PIGL: variants seen among roughly 807,000 people sequenced by gnomAD.
The protein encoded by PIGL is phosphatidylinositol glycan anchor biosynthesis class L, also known as N-acetylglucosaminyl-phosphatidylinositol de-N-acetylase.
A neutral mutation model predicts 31.1 loss-of-function variants in PIGL; 22 were observed. The ratio of observed to expected loss-of-function variants is 0.71; its 90% CI spans 0.51 to 1.01. PIGL has a LOEUF of 1.01. PIGL is among the 50% of genes least tolerant of loss of function. The probability of loss-of-function intolerance (pLI) is 0.00; values close to 1 mark genes in which losing one functional copy is unlikely to be tolerated. For synonymous variants in PIGL, 131 were observed against 117.4 expected, an observed-to-expected ratio of 1.12 and a Z score of -0.75; for missense variants, 302 against 315.9, an observed-to-expected ratio of 0.96 and a Z score of 0.33.
Position 16,324,211 on chromosome 17 carries a change from T to C in PIGL, c.661-1589T>C, listed in dbSNP as rs193168736. 5 of 151,894 alleles carry C rather than the reference T, an allele frequency of 3.3e-5. No individual in the cohort carries two copies. In the East Asian group the frequency reaches 9.8e-4, roughly 30 times the overall value. The allele number at this position is 151,894 out of a possible 1,614,324, so 9.4% of individuals were successfully genotyped here. ...AACTCCTGACCTCAAGTGATCCACC[T>C]GCCTCGGGCTCCCAAGGTGCTGAGG... On this transcript the variant is annotated intron_variant, in intron 6 of 6. Coordinates refer to ENST00000225609, the MANE Select transcript of PIGL (RefSeq NM_004278.4).
intron 2 of PIGL, among the ~76,000 whole-genome samples, chr17:16,263,831 GACT>G (rs1430106342): frequency 3.5e-5 from 4 of 113,104 alleles, no homozygotes; most frequent in Non-Finnish European, 7.1e-5. Flanking sequence ...TGTAAATGTT[GACT>G]TTTTTTTTTT....
intron 1 of PIGL, among the ~76,000 whole-genome samples, chr17:16,228,687 G>A (rs2092664988): frequency 1.3e-5 from 2 of 152,186 alleles, no homozygotes; most frequent in African/African-American, 2.4e-5. Context: ...CACGCCCGGC[G>A]ATTTTAAACA....
intron 3 of PIGL, among the ~76,000 whole-genome samples, chr17:16,304,664 T>C (rs2093019265): frequency 6.6e-6 from 1 of 152,132 alleles, no homozygotes; most frequent in Non-Finnish European, 1.5e-5. Context: ...GAAAGCAGCC[T>C]AGGGGGGTAG....
At chr17:16,307,757 AG>A (rs1198829544) in intron 3 of PIGL, among the ~76,000 whole-genome samples, 2 of 152,032 alleles carry the variant, frequency 1.3e-5, no homozygotes, top group Non-Finnish European at 2.9e-5. Context: ...GCTTGACCCC[AG>A]GAGTTTGAGA....
At chr17:16,257,785 C>G (rs1030587999) in intron 2 of PIGL, among the ~76,000 whole-genome samples, 3 of 151,988 alleles carry the variant, frequency 2.0e-5, no homozygotes, top group Non-Finnish European at 4.4e-5. Flanking sequence ...CATATTTCCA[C>G]CGGGCACGGT....
Position 16,313,632 on chromosome 17 carries a change from A to G in PIGL, c.494+18A>G. On this transcript the variant is annotated intron_variant, in intron 4 of 6. Coordinates refer to ENST00000225609, the MANE Select transcript of PIGL (RefSeq NM_004278.4). ...GCTGTGAGGTATGATTCTCCGGGTG[A>G]TGGATGTGGGGGAGGGTTTGTTTAT... The G allele has an allele frequency of 1.3e-6, 2 of 1,591,386 alleles. No homozygotes were observed. Among genetic ancestry groups the G allele is most frequent in the Non-Finnish European group, 1.7e-6 (2 of 1,159,318 alleles).
intron 2 of PIGL, among the ~76,000 whole-genome samples, chr17:16,279,460 G>A (rs566279224): frequency 1.8e-4 from 28 of 152,276 alleles, no homozygotes; most frequent in African/African-American, 6.5e-4. Context: ...TGCCTGCAAG[G>A]CCAATGAGAC....
At chr17:16,228,047 A>C (rs1312742803) in intron 1 of PIGL, among the ~76,000 whole-genome samples, 1 of 147,926 alleles carries the variant, frequency 6.8e-6, no homozygotes, top group African/African-American at 2.5e-5. Flanking sequence ...TTACCATTTT[A>C]AACTTTTTTT....
chr17:16,258,092 AGAG>A (rs1380652015), intron 2 of PIGL, among the ~76,000 whole-genome samples: 1 of 132,778 alleles, frequency 7.5e-6, no homozygotes, highest in Non-Finnish European at 1.6e-5. Context: ...AGAGAGAGAG[AGAG>A]AGAGAGAAAG....
At chr17:16,237,186 C>A (rs2092702946) in intron 2 of PIGL, among the ~76,000 whole-genome samples, 1 of 144,528 alleles carries the variant, frequency 6.9e-6, no homozygotes, top group South Asian at 2.2e-4. Flanking sequence ...CAGCTCACTG[C>A]AACGTCCGCC....
chr17:16,287,087 G>T (rs1196114393), intron 2 of PIGL, among the ~76,000 whole-genome samples: 2 of 152,212 alleles, frequency 1.3e-5, no homozygotes, highest in African/African-American at 4.8e-5. Flanking sequence ...GCCCCGCTCT[G>T]GTGGTGTGGG....
intron 3 of PIGL, among the ~76,000 whole-genome samples, chr17:16,309,265 C>T (rs1011046356): frequency 1.3e-5 from 2 of 152,170 alleles, no homozygotes; most frequent in Non-Finnish European, 2.9e-5. Context: ...GCACTATAGC[C>T]TGCATGGCAG....
At chr17:16,292,408 A>C (rs991879232) in intron 2 of PIGL, among the ~76,000 whole-genome samples, 1 of 152,050 alleles carries the variant, frequency 6.6e-6, no homozygotes, top group Admixed American at 6.6e-5. Flanking sequence ...AAAAAAAAAA[A>C]ACACTCCTTT....
At chr17:16,312,182 AGAC>A (rs1225279066) in intron 3 of PIGL, among the ~76,000 whole-genome samples, 1 of 148,284 alleles carries the variant, frequency 6.7e-6, no homozygotes, top group East Asian at 2.0e-4. Flanking sequence ...TGCTGGGCGG[AGAC>A]GCTCCTCACT....
intron 2 of PIGL, among the ~76,000 whole-genome samples, chr17:16,294,955 C>T (rs1180628459): frequency 6.6e-6 from 1 of 152,194 alleles, no homozygotes; most frequent in Non-Finnish European, 1.5e-5. Context: ...CGTTGTTTCA[C>T]TGTTTCCTGT....
intron 5 of PIGL, chr17:16,317,253 G>T (rs955067198): frequency 2.3e-5 from 23 of 1,003,246 alleles, no homozygotes; most frequent in Admixed American, 5.2e-5. Flanking sequence ...TATGTGGGAT[G>T]ACTGAAAGGA....
At chr17:16,286,242 G>A (rs2092936988) in intron 2 of PIGL, among the ~76,000 whole-genome samples, 1 of 152,274 alleles carries the variant, frequency 6.6e-6, no homozygotes, top group East Asian at 1.9e-4. Context: ...GTGGGACTCG[G>A]TTTTCAGAGA....
intron 2 of PIGL, among the ~76,000 whole-genome samples, chr17:16,240,981 G>T (rs1051543030): frequency 1.3e-5 from 2 of 151,520 alleles, no homozygotes; most frequent in Non-Finnish European, 2.9e-5. Context: ...GGGTGTGGTG[G>T]CACATCCCTG....
intron 3 of PIGL, among the ~76,000 whole-genome samples, chr17:16,306,009 C>T (rs74457823): frequency 0.041 from 6,272 of 152,200 alleles, 293 homozygotes; most frequent in African/African-American, 0.11. Flanking sequence ...AGTACAGTGG[C>T]ACGATCTCGG....
Sources: gnomAD v4.1 joint callset for allele counts (sites outside exome capture counted in the v4.1 genomes callset) on GRCh38, gnomAD v4.1.1 for gene constraint, MANE v1.5 for transcripts, NCBI Gene and HGNC (gene_info 2026-07-23, HGNC 2026-07-21) for gene names.